The following HDAC9 variants were observed in gnomAD, a reference collection of about 807,000 sequenced individuals.
HDAC9 encodes the protein histone deacetylase 9, also known as MEF-2 interacting transcription repressor (MITR) protein.
A neutral mutation model predicts 139.4 loss-of-function variants in HDAC9; 41 were observed. That is an observed-to-expected ratio of 0.29 (90% confidence interval 0.23 to 0.38). HDAC9 has a LOEUF of 0.38. Among genes scored for constraint, HDAC9 ranks in the 10% least tolerant of loss-of-function variants. The pLI is 1.00. For missense variants in HDAC9, 1,147 were observed against 1,297.0 expected (o/e 0.88, Z 1.78); for synonymous variants, 517 against 476.2 (o/e 1.09, Z -1.12).
chr7:18,714,478 C>G (rs1049856376), intron 12 of HDAC9, among the ~76,000 whole-genome samples: 1 of 152,128 alleles, frequency 6.6e-6, no homozygotes, highest in Non-Finnish European at 1.5e-5. Flanking sequence ...CCCAGAATCT[C>G]CATAACCAGC....
chr7:18,940,457 G>C lies in HDAC9; in HGVS notation c.2937+4515G>C, dbSNP rs551255490. Among the ~76,000 whole-genome samples, 4 of 152,128 alleles carry C rather than the reference G, an allele frequency of 2.6e-5. 1 individual carries two copies. The highest frequency in any genetic ancestry group is 9.6e-5 in the African/African-American group (4 of 41,496). ...TTTTTCTTTTTCTTGGCAAAGTTTA[G>C]AACTTAGATTTATCAGTCCAATCAG... On this transcript the variant is annotated intron_variant, in intron 23 of 25. Coordinates refer to ENST00000686413, the MANE Select transcript of HDAC9 (RefSeq NM_178425.4).
intron 22 of HDAC9, among the ~76,000 whole-genome samples, chr7:18,911,441 A>G (rs1049154662): frequency 6.6e-6 from 1 of 150,966 alleles, no homozygotes; most frequent in Non-Finnish European, 1.5e-5. Flanking sequence ...CTAATTGTCA[A>G]TTTTGTTTAT....
chr7:18,619,735 T>C (rs1839701203), intron 6 of HDAC9, among the ~76,000 whole-genome samples: 1 of 152,212 alleles, frequency 6.6e-6, no homozygotes. Flanking sequence ...AAAATGTGTT[T>C]GATATTTATC....
intron 13 of HDAC9, among the ~76,000 whole-genome samples, chr7:18,748,773 C>T (rs1788196967): frequency 6.6e-6 from 1 of 152,166 alleles, no homozygotes; most frequent in Non-Finnish European, 1.5e-5. Flanking sequence ...ATTTACTAAA[C>T]TAGGGTCTGA....
chr7:18,586,717 A>G (rs1331464392), intron 3 of HDAC9, among the ~76,000 whole-genome samples: 3 of 152,060 alleles, frequency 2.0e-5, no homozygotes, highest in Non-Finnish European at 2.9e-5. Context: ...TATAAAATAT[A>G]TTTATTTCTT....
intron 11 of HDAC9, among the ~76,000 whole-genome samples, chr7:18,652,104 C>T (rs1239401919): frequency 1.3e-5 from 2 of 152,188 alleles, no homozygotes; most frequent in East Asian, 3.9e-4. Context: ...GGTTCTATTG[C>T]TAATATATGG....
At chr7:18,874,873 G>T (rs1799203394) in intron 22 of HDAC9, among the ~76,000 whole-genome samples, 1 of 152,190 alleles carries the variant, frequency 6.6e-6, no homozygotes, top group Admixed American at 6.5e-5. Context: ...AGGCAGAAAT[G>T]ATAGGGCTTC....
intron 7 of HDAC9, among the ~76,000 whole-genome samples, chr7:18,633,542 A>G (rs1392883696): frequency 6.6e-6 from 1 of 152,066 alleles, no homozygotes; most frequent in Non-Finnish European, 1.5e-5. Context: ...GAAATGCCTT[A>G]TATTTGAAAT....
chr7:18,418,220 T>C (rs1292487460), intron 1 of HDAC9, among the ~76,000 whole-genome samples: 1 of 152,192 alleles, frequency 6.6e-6, no homozygotes, highest in Admixed American at 6.5e-5. Context: ...TACTACAAGT[T>C]GAAGGCAGAA....
At chr7:18,753,720 C>CA (rs1280096085) in intron 14 of HDAC9, among the ~76,000 whole-genome samples, 1 of 152,098 alleles carries the variant, frequency 6.6e-6, no homozygotes, top group Non-Finnish European at 1.5e-5. Flanking sequence ...TGTATTCTCT[C>CA]AAAGATGATC....
rs368858067 is a variant in HDAC9, at chr7:18,202,110, T to C, written c.25+39761T>C. ...GCCAGCACCCACCATTGTATTTTGA[T>C]AAATATATTCTCAGCCATCTATAGG... On this transcript the variant is annotated intron_variant, in intron 2 of 12. Transcript: ENST00000417496. Among the ~76,000 whole-genome samples the C allele has an allele frequency of 1.8e-4, 27 of 152,318 alleles. 1 individual carries two copies. In the South Asian group the frequency reaches 4.1e-3, roughly 23 times the overall value.
chr7:18,203,074 A>G (rs1166833286), intron 2 of HDAC9, among the ~76,000 whole-genome samples: 1 of 152,234 alleles, frequency 6.6e-6, no homozygotes, highest in Non-Finnish European at 1.5e-5. Flanking sequence ...AATTGGGTGA[A>G]TAGATCAGGG....
intron 12 of HDAC9, among the ~76,000 whole-genome samples, chr7:18,718,690 T>G (rs1436952448): frequency 6.6e-6 from 1 of 152,198 alleles, no homozygotes; most frequent in Non-Finnish European, 1.5e-5. Flanking sequence ...GACATTTGGA[T>G]TGTTTGTACT....
chr7:18,098,867 A>G (rs1020813758), intron 1 of HDAC9, among the ~76,000 whole-genome samples: 4 of 152,090 alleles, frequency 2.6e-5, no homozygotes, highest in African/African-American at 7.2e-5. Flanking sequence ...TTGAGCTTTT[A>G]TCTTCTTATT....
At chr7:18,348,876 A>G (rs1005272780) in intron 1 of HDAC9, among the ~76,000 whole-genome samples, 5 of 152,180 alleles carry the variant, frequency 3.3e-5, no homozygotes, top group African/African-American at 9.6e-5. Context: ...TCTTCACAGT[A>G]GTAGTGCAGT....
At chr7:18,304,211 A>G (rs1798764067) in intron 1 of HDAC9, among the ~76,000 whole-genome samples, 1 of 152,214 alleles carries the variant, frequency 6.6e-6, no homozygotes, top group African/African-American at 2.4e-5. Context: ...AGTGCCTTCT[A>G]TACACTGTCA....
intron 1 of HDAC9, among the ~76,000 whole-genome samples, chr7:18,310,723 A>G (rs560919963): frequency 1.1e-4 from 16 of 151,974 alleles, no homozygotes; most frequent in Non-Finnish European, 2.1e-4. Context: ...TAGACATCAT[A>G]CAGCATTGTT....
chr7:18,541,155 T>TTG (rs1373833186), intron 2 of HDAC9, among the ~76,000 whole-genome samples: 11 of 148,514 alleles, frequency 7.4e-5, no homozygotes, highest in African/African-American at 2.2e-4. Flanking sequence ...TTTTTTTTTT[T>TTG]TTTTTTTTTT....
chr7:18,957,128 A>G (rs1212629763), intron 24 of HDAC9, among the ~76,000 whole-genome samples: 2 of 152,186 alleles, frequency 1.3e-5, no homozygotes, highest in African/African-American at 2.4e-5. Flanking sequence ...AGGTTGTAAA[A>G]GGAAAGAAAA....
Sources: gnomAD v4.1 joint callset for allele counts (sites outside exome capture counted in the v4.1 genomes callset) on GRCh38, gnomAD v4.1.1 for gene constraint, MANE v1.5 for transcripts, NCBI Gene and HGNC (gene_info 2026-07-23, HGNC 2026-07-21) for gene names.